Variants in PRKN observed in about 807,000 individuals in gnomAD.
PRKN encodes parkin RBR E3 ubiquitin protein ligase.
Under a neutral mutation model 59.5 loss-of-function variants are expected in PRKN, and 56 were observed. The observed-to-expected ratio is 0.94, with a 90% CI of 0.76 to 1.18. PRKN has a LOEUF of 1.18. Ranked by LOEUF, PRKN falls within the 50% of genes most tolerant of loss-of-function variation. The pLI is 0.00. For synonymous variants in PRKN, 250 were observed against 222.1 expected (o/e 1.13, Z -1.12); for missense variants, 657 against 596.4 (o/e 1.10, Z -1.06).
chr6:162,716,568 T>C (rs1778728380), intron 1 of PRKN, among the ~76,000 whole-genome samples: 1 of 152,140 alleles, frequency 6.6e-6, no homozygotes, highest in Admixed American at 6.5e-5. Flanking sequence ...GTCCAAAGCA[T>C]AACAAAACTT....
At chr6:161,453,277 C>T (rs780835592) in intron 9 of PRKN, among the ~76,000 whole-genome samples, 14 of 152,142 alleles carry the variant, frequency 9.2e-5, no homozygotes, top group Admixed American at 7.2e-4. Flanking sequence ...TCATTTCGTA[C>T]TCTTAATCAT....
intron 6 of PRKN, among the ~76,000 whole-genome samples, chr6:161,847,361 C>T (rs540580241): frequency 6.6e-6 from 1 of 152,046 alleles, no homozygotes; most frequent in Non-Finnish European, 1.5e-5. Flanking sequence ...AAAGCTGGCA[C>T]AGAAATGCAA....
At chr6:162,132,808 C>T (rs546494677) in intron 4 of PRKN, among the ~76,000 whole-genome samples, 7 of 151,922 alleles carry the variant, frequency 4.6e-5, no homozygotes, top group East Asian at 1.9e-4. Context: ...GGTGGGATGG[C>T]GGGTTATAAG....
chr6:162,320,904 G>A (rs1273629576), intron 2 of PRKN, among the ~76,000 whole-genome samples: 1 of 150,132 alleles, frequency 6.7e-6, no homozygotes, highest in Non-Finnish European at 1.5e-5. Context: ...AATATGCAAA[G>A]AAAATTTTTT....
chr6:161,734,434 G>C (rs972029647), intron 7 of PRKN, among the ~76,000 whole-genome samples: 1 of 152,136 alleles, frequency 6.6e-6, no homozygotes, highest in Admixed American at 6.5e-5. Flanking sequence ...GATTAGTATT[G>C]TGTGGAGCCA....
intron 9 of PRKN, among the ~76,000 whole-genome samples, chr6:161,425,916 A>G (rs911084953): frequency 6.6e-6 from 1 of 152,082 alleles, no homozygotes; most frequent in African/African-American, 2.4e-5. Flanking sequence ...GGATTCCTGA[A>G]AAGTGCAGTG....
intron 6 of PRKN, among the ~76,000 whole-genome samples, chr6:161,880,363 T>C (rs2128229346): frequency 6.6e-6 from 1 of 152,322 alleles, no homozygotes; most frequent in African/African-American, 2.4e-5. Flanking sequence ...ATTTAGAGCG[T>C]AAATGTAAAG....
At chr6:161,750,081 A>G (rs1788612483) in intron 7 of PRKN, among the ~76,000 whole-genome samples, 1 of 148,588 alleles carries the variant, frequency 6.7e-6, no homozygotes, top group Non-Finnish European at 1.5e-5. Flanking sequence ...ATATTAATGG[A>G]TATAGCACAC....
rs371094628 is a variant in PRKN at position 161,901,990 on chromosome 6, G to A, written c.734+71312C>T. Among the ~76,000 whole-genome samples the A allele has an allele frequency of 5.9e-5, 9 of 152,272 alleles. No individual in the cohort carries two copies. The East Asian group carries it at 9.7e-4, about 16-fold the overall frequency. On this transcript the variant is annotated intron_variant, in intron 6 of 11. Transcript: ENST00000366898. ...TGCACATTAAGTGATGAATCAGAGC[G>A]TGTGATGCTGACACACGGGGCTTTG...
At chr6:161,589,938 C>T (rs368387983) in intron 7 of PRKN, among the ~76,000 whole-genome samples, 6 of 151,218 alleles carry the variant, frequency 4.0e-5, no homozygotes, top group African/African-American at 7.3e-5. Flanking sequence ...CGACATCATG[C>T]GCAGCTAATT....
At chr6:162,704,043 A>ATT (rs1778252541) in intron 1 of PRKN, among the ~76,000 whole-genome samples, 1 of 152,128 alleles carries the variant, frequency 6.6e-6, no homozygotes, top group Non-Finnish European at 1.5e-5. Context: ...GGTGCAGGAG[A>ATT]TGCACAATTT....
At chr6:161,852,086 CAA>C (rs33977899) in intron 6 of PRKN, among the ~76,000 whole-genome samples, 6 of 121,554 alleles carry the variant, frequency 4.9e-5, no homozygotes, top group Non-Finnish European at 5.2e-5. Context: ...GACTCCGTCT[CAA>C]AAAAAAAAAA....
intron 2 of PRKN, 116 bp from the exon 3 acceptor site, chr6:162,262,881 C>T: frequency 7.5e-7 from 1 of 1,339,434 alleles, no homozygotes; most frequent in Non-Finnish European, 1.0e-6. Flanking sequence ...TGACATGTAA[C>T]TGACCAACTT....
At chr6:162,092,265 G>A (rs1474853487) in intron 4 of PRKN, among the ~76,000 whole-genome samples, 1 of 152,158 alleles carries the variant, frequency 6.6e-6, no homozygotes, top group Non-Finnish European at 1.5e-5. Context: ...TGAGGCAGGA[G>A]AATCACTGAA....
intron 4 of PRKN, among the ~76,000 whole-genome samples, chr6:162,149,255 A>AT (rs1428131266): frequency 1.3e-5 from 2 of 151,860 alleles, no homozygotes; most frequent in Non-Finnish European, 2.9e-5. Context: ...TTTCTTCATA[A>AT]TTTTTTTAAG....
intron 7 of PRKN, among the ~76,000 whole-genome samples, chr6:161,755,848 T>A (rs1483940282): frequency 1.3e-5 from 2 of 151,970 alleles, no homozygotes; most frequent in Non-Finnish European, 2.9e-5. Flanking sequence ...ATCAAGCAGG[T>A]GAGTGGGAAA....
intron 3 of PRKN, among the ~76,000 whole-genome samples, chr6:162,235,969 G>GAAAGAAAGAAAGA (rs1554288872): frequency 3.9e-5 from 3 of 76,680 alleles, no homozygotes; most frequent in South Asian, 7.5e-4. Context: ...AAGAAAGAAA[G>GAAAGAAAGAAAGA]AAAGAAAGAA....
At chr6:162,299,916 T>C (rs1380218711) in intron 2 of PRKN, among the ~76,000 whole-genome samples, 1 of 152,204 alleles carries the variant, frequency 6.6e-6, no homozygotes, top group South Asian at 2.1e-4. Flanking sequence ...TAGCTTTCAC[T>C]ACAGCTTTAT....
intron 2 of PRKN, among the ~76,000 whole-genome samples, chr6:162,304,517 A>ATCTG (rs1782128748): frequency 7.0e-6 from 1 of 142,940 alleles, no homozygotes; most frequent in South Asian, 2.3e-4. Flanking sequence ...CTATCTATCT[A>ATCTG]TCTATCTATC....
Sources: gnomAD v4.1 joint callset for allele counts (sites outside exome capture counted in the v4.1 genomes callset) on GRCh38, gnomAD v4.1.1 for gene constraint, MANE v1.5 for transcripts, NCBI Gene and HGNC (gene_info 2026-07-23, HGNC 2026-07-21) for gene names.